Variants in CDH13 observed in about 807,000 individuals in gnomAD.
CDH13 encodes the protein cadherin-13.
CDH13 carries 24 observed loss-of-function variants against 63.8 expected under a neutral mutation model. That is an observed-to-expected ratio of 0.38 (90% CI 0.27 to 0.53). CDH13 has a LOEUF of 0.53. CDH13 is among the 20% of genes least tolerant of loss of function. CDH13 has a pLI of 0.85. For synonymous variants in CDH13, 503 were observed against 355.3 expected, an observed-to-expected ratio of 1.42 and a Z score of -4.67; for missense variants, 1,049 against 903.1, an observed-to-expected ratio of 1.16 and a Z score of -2.07.
chr16:83,470,460 C>A (rs983561718), intron 6 of CDH13, among the ~76,000 whole-genome samples: 3 of 152,166 alleles, frequency 2.0e-5, no homozygotes, highest in Non-Finnish European at 2.9e-5. Context: ...ATAATTTGAT[C>A]TTGGTTTTTT....
intron 3 of CDH13, among the ~76,000 whole-genome samples, chr16:83,078,838 G>A (rs998715531): frequency 6.6e-5 from 10 of 152,118 alleles, no homozygotes; most frequent in Non-Finnish European, 8.8e-5. Context: ...TTGTCAGCCC[G>A]GGCTGGAGTG....
At position 83,506,026 on chromosome 16, in the gene CDH13, A is replaced by G. The variant is rs143737519; in HGVS notation, c.960+19371A>G. 2.9e-4 allele frequency among the ~76,000 whole-genome samples: 44 copies of G among 152,362 alleles called. No individual in the cohort carries two copies. In the East Asian group the frequency reaches 8.5e-3, roughly 29 times the overall value. On this transcript the variant is annotated intron_variant, in intron 7 of 13. Coordinates refer to ENST00000567109, the MANE Select transcript of CDH13 (RefSeq NM_001257.5). ...AAGTTCACACATTCAGGGAATGGGT[A>G]GAAGTGGAATTCACACCCAGGTCAG...
In CDH13 at chr16:82,824,221, A is replaced by T. The variant is rs538908430; in HGVS notation, c.46-34141A>T. ...ATACACTAAATCTGTTTAAATACAT[A>T]AGTTCATAATGATAGGGGAAAACAA... is the stretch of plus-strand genomic sequence containing the variant. On this transcript the variant is annotated intron_variant, in intron 1 of 13. Coordinates refer to ENST00000567109, the MANE Select transcript of CDH13 (RefSeq NM_001257.5). The T allele has an allele frequency of 2.0e-5, 3 of 152,306 alleles. No individual in the cohort carries two copies. In the East Asian group the frequency reaches 5.8e-4, roughly 29 times the overall value. 9.4% of individuals were successfully genotyped at this position (152,306 alleles called of 1,614,324 possible). A position where few individuals can be genotyped will look rare whatever the true frequency, so the allele number is the denominator to read the frequency against.
chr16:83,772,289 C>T (rs1316814000), intron 11 of CDH13, among the ~76,000 whole-genome samples: 1 of 152,112 alleles, frequency 6.6e-6, no homozygotes, highest in African/African-American at 2.4e-5. Context: ...GAGGAAGGCC[C>T]AAGTCTTATG....
intron 2 of CDH13, among the ~76,000 whole-genome samples, chr16:83,018,694 G>C (rs957777678): frequency 1.3e-5 from 2 of 152,170 alleles, no homozygotes; most frequent in African/African-American, 4.8e-5. Context: ...TCACAGAGTA[G>C]ACTTACACAA....
chr16:83,489,310 G>A (rs1051366618), intron 7 of CDH13, among the ~76,000 whole-genome samples: 4 of 152,234 alleles, frequency 2.6e-5, no homozygotes, highest in African/African-American at 4.8e-5. Context: ...GTTGAATTAA[G>A]CATTTCTAGT....
intron 3 of CDH13, among the ~76,000 whole-genome samples, chr16:83,053,939 A>C (rs906281247): frequency 6.6e-6 from 1 of 152,216 alleles, no homozygotes; most frequent in Admixed American, 6.5e-5. Context: ...TCAATGACGG[A>C]CCACATATGT....
intron 3 of CDH13, among the ~76,000 whole-genome samples, chr16:83,088,528 C>G (rs961840632): frequency 1.3e-5 from 2 of 152,158 alleles, no homozygotes; most frequent in Admixed American, 1.3e-4. Flanking sequence ...GTCCAAAAGC[C>G]GTTTCTGATA....
intron 10 of CDH13, among the ~76,000 whole-genome samples, chr16:83,712,686 A>G (rs1232557432): frequency 1.3e-5 from 2 of 152,354 alleles, no homozygotes; most frequent in Admixed American, 1.3e-4. Flanking sequence ...CTACACATCT[A>G]TCCTTTTCTG....
At chr16:83,651,482 G>C (rs2150820681) in intron 8 of CDH13, among the ~76,000 whole-genome samples, 1 of 151,520 alleles carries the variant, frequency 6.6e-6, no homozygotes, top group Admixed American at 6.6e-5. Flanking sequence ...AGAAAATGGA[G>C]ACACGGAGAG....
chr16:82,650,208 T>C (rs1420873944), intron 1 of CDH13, among the ~76,000 whole-genome samples: 1 of 152,204 alleles, frequency 6.6e-6, no homozygotes, highest in Non-Finnish European at 1.5e-5. Flanking sequence ...TCAGCAATTG[T>C]AATAAATGAG....
chr16:83,362,806 A>G (rs2091187150), intron 6 of CDH13, among the ~76,000 whole-genome samples: 3 of 152,198 alleles, frequency 2.0e-5, no homozygotes, highest in South Asian at 4.1e-4. Context: ...TAACATAAGC[A>G]TTCAGTCCTG....
intron 6 of CDH13, among the ~76,000 whole-genome samples, chr16:83,346,620 A>G (rs1376358152): frequency 2.0e-5 from 3 of 152,168 alleles, no homozygotes; most frequent in African/African-American, 7.2e-5. Context: ...ATATGATTAG[A>G]CGGTGTCCAA....
At chr16:83,407,858 G>A (rs982989820) in intron 6 of CDH13, among the ~76,000 whole-genome samples, 4 of 152,040 alleles carry the variant, frequency 2.6e-5, no homozygotes, top group Non-Finnish European at 4.4e-5. Flanking sequence ...ATGCGTAATC[G>A]ACTCACAAAT....
chr16:83,544,972 C>G (rs534898038), intron 7 of CDH13, among the ~76,000 whole-genome samples: 1 of 152,304 alleles, frequency 6.6e-6, no homozygotes, highest in East Asian at 1.9e-4. Flanking sequence ...ATATGTAATT[C>G]TCTTAGTTAA....
chr16:83,567,030 C>G (rs1317839244), intron 7 of CDH13, among the ~76,000 whole-genome samples: 1 of 152,166 alleles, frequency 6.6e-6, no homozygotes, highest in African/African-American at 2.4e-5. Flanking sequence ...GTTCTAGGCT[C>G]TGTGCTTCTG....
intron 4 of CDH13, among the ~76,000 whole-genome samples, chr16:83,131,306 A>G (rs1052102969): frequency 2.7e-5 from 4 of 150,508 alleles, no homozygotes; most frequent in Non-Finnish European, 5.9e-5. Context: ...ATTCTGCCCT[A>G]GACTATCTGT....
At chr16:82,815,283 C>G (rs1287555103) in intron 1 of CDH13, among the ~76,000 whole-genome samples, 1 of 152,116 alleles carries the variant, frequency 6.6e-6, no homozygotes, top group Non-Finnish European at 1.5e-5. Context: ...CATCACAGCT[C>G]CACCCATGAC....
chr16:82,809,632 C>T (rs886191403), intron 1 of CDH13, among the ~76,000 whole-genome samples: 2 of 152,022 alleles, frequency 1.3e-5, no homozygotes, highest in Non-Finnish European at 2.9e-5. Context: ...ACGTACTTCC[C>T]TTAGCATCCC....
Sources: gnomAD v4.1 joint callset for allele counts (sites outside exome capture counted in the v4.1 genomes callset) on GRCh38, gnomAD v4.1.1 for gene constraint, MANE v1.5 for transcripts, NCBI Gene and HGNC (gene_info 2026-07-23, HGNC 2026-07-21) for gene names.